Variants in HTR1E observed in about 807,000 individuals in gnomAD.
HTR1E encodes 5-HT-1E.
Under a neutral mutation model 3.4 loss-of-function variants are expected in HTR1E, and 3 were observed. That is an observed-to-expected ratio of 0.89 (90% CI 0.41 to 2.31). The LOEUF is 2.31. Ranked by LOEUF, HTR1E falls within the 30% of genes most tolerant of loss-of-function variation. The probability of loss-of-function intolerance (pLI) is 0.05; values close to 1 mark genes in which losing one functional copy is unlikely to be tolerated. For missense variants in HTR1E, 392 were observed against 467.0 expected (o/e 0.84, Z 1.48); for synonymous variants, 170 against 182.8 (o/e 0.93, Z 0.56).
chr6:86,983,994 C>A (rs1044001417), intron 1 of HTR1E, among the ~76,000 whole-genome samples: 3 of 151,872 alleles, frequency 2.0e-5, no homozygotes, highest in Admixed American at 2.0e-4. Context: ...GTGATCAATC[C>A]CCCTGATTAA....
chr6:86,947,337 A>G (rs1054134422), intron 1 of HTR1E, among the ~76,000 whole-genome samples: 1 of 152,188 alleles, frequency 6.6e-6, no homozygotes, highest in Non-Finnish European at 1.5e-5. Context: ...TGGTTATCTC[A>G]AAGAGTTCTT....
intron 1 of HTR1E, among the ~76,000 whole-genome samples, chr6:86,996,544 A>C (rs574482924): frequency 5.6e-4 from 85 of 152,240 alleles, no homozygotes; most frequent in Non-Finnish European, 1.1e-3. Context: ...AAATGTTATC[A>C]AATTATTGGT....
intron 1 of HTR1E, among the ~76,000 whole-genome samples, chr6:86,953,881 T>G (rs560584689): frequency 6.6e-6 from 1 of 152,210 alleles, no homozygotes; most frequent in Non-Finnish European, 1.5e-5. Context: ...ACATCTTACA[T>G]GGCTGGAGAA....
intron 1 of HTR1E, chr6:86,971,056 G>A: frequency 7.8e-6 from 4 of 510,202 alleles, no homozygotes; most frequent in South Asian, 5.8e-5. Flanking sequence ...CTTCAAAGAA[G>A]CAAATAACTT....
In HTR1E at chr6:87,010,552, C is replaced by T. The variant is rs1214675288; in HGVS notation, c.-185-4598C>T. Among the ~76,000 whole-genome samples, 15 of 141,656 alleles carry T rather than the reference C, an allele frequency of 1.1e-4. 1 individual carries two copies. Among genetic ancestry groups the T allele is most frequent in the African/African-American group, 1.9e-4 (7 of 37,712 alleles). The allele number at this position is 141,656 out of a possible 152,430, so 92.9% of individuals were successfully genotyped here. On this transcript the variant is annotated intron_variant, in intron 1 of 1. Coordinates refer to ENST00000305344, the MANE Select transcript of HTR1E (RefSeq NM_000865.3). ...CGCTCCCCACATCTCAGACGATGGG[C>T]GGCCGGGCAGAGACGCTCCTCACTT...
chr6:86,942,652 A>G (rs1286167915), intron 1 of HTR1E, among the ~76,000 whole-genome samples: 1 of 152,262 alleles, frequency 6.6e-6, no homozygotes, highest in Non-Finnish European at 1.5e-5. Flanking sequence ...ATTAGCAAAT[A>G]CATCATTTAC....
At chr6:86,956,775 C>A (rs16878041) in intron 1 of HTR1E, among the ~76,000 whole-genome samples, 32,872 of 152,032 alleles carry the variant, frequency 0.22, 4,122 homozygotes, top group African/African-American at 0.34. Context: ...CAGAGCTGGG[C>A]TACTACTTGC....
chr6:87,007,430 C>T (rs953898358), intron 1 of HTR1E, among the ~76,000 whole-genome samples: 1 of 152,022 alleles, frequency 6.6e-6, no homozygotes, highest in Non-Finnish European at 1.5e-5. Context: ...AACAGGGTGA[C>T]TATAGTCAAC....
intron 1 of HTR1E, among the ~76,000 whole-genome samples, chr6:86,964,461 C>G (rs1767447179): frequency 6.6e-6 from 1 of 152,160 alleles, no homozygotes. Context: ...GTGTGAGACA[C>G]AAGGAAAATG....
rs1406287585 is a variant in HTR1E, at chr6:87,010,036, C to T, written c.-185-5114C>T. On this transcript the variant is annotated intron_variant, in intron 1 of 1. Coordinates refer to ENST00000305344, the MANE Select transcript of HTR1E (RefSeq NM_000865.3). The stretch of plus-strand genomic sequence containing the variant: ...CTGACCCCCCCACCTCCCTCCCGGA[C>T]GGGGTGGCTGGCCAGGCGGGGGGCT... Among the ~76,000 whole-genome samples, 55 of 127,996 alleles carry T rather than the reference C, an allele frequency of 4.3e-4. 1 individual carries two copies. Among genetic ancestry groups the T allele is most frequent in the African/African-American group, 1.4e-3 (46 of 31,960 alleles). 84.0% of individuals were successfully genotyped at this position (127,996 alleles called of 152,430 possible).
At chr6:86,999,852 C>A (rs1004512624) in intron 1 of HTR1E, among the ~76,000 whole-genome samples, 41 of 152,204 alleles carry the variant, frequency 2.7e-4, no homozygotes, top group African/African-American at 9.2e-4. Context: ...CATGACCCTG[C>A]ATGATACTGG....
Position 87,015,871 on chromosome 6 carries a change from T to C in HTR1E, c.537T>C (p.His179=), listed in dbSNP as rs1462311290. ...PPSQCTIQHD[H]VIYTIYSTLG... ...GTCAGTGCACCATCCAGCACGACCA[T>C]GTTATCTACACCATTTACTCCACGC... Residue 179 remains histidine, a synonymous_variant, in exon 2 of 2, where the codon CAT becomes CAC. Coordinates refer to ENST00000305344, the MANE Select transcript of HTR1E (RefSeq NM_000865.3). 1 of 1,612,970 alleles carries C rather than the reference T, an allele frequency of 6.2e-7. No individual in the cohort carries two copies. The highest frequency in any genetic ancestry group is 1.1e-5 in the South Asian group (1 of 90,926).
At chr6:86,940,046 C>T (rs1190096805) in intron 1 of HTR1E, among the ~76,000 whole-genome samples, 1 of 152,098 alleles carries the variant, frequency 6.6e-6, no homozygotes, top group Non-Finnish European at 1.5e-5. Flanking sequence ...GAGACAAAAT[C>T]CAGGACACAC....
At chr6:86,985,091 G>A (rs576326289) in intron 1 of HTR1E, among the ~76,000 whole-genome samples, 16 of 152,160 alleles carry the variant, frequency 1.1e-4, no homozygotes, top group African/African-American at 3.1e-4. Flanking sequence ...ATGTATTCAC[G>A]CTGTCATTCA....
At chr6:86,940,451 G>A (rs1408448) in intron 1 of HTR1E, among the ~76,000 whole-genome samples, 11 of 152,146 alleles carry the variant, frequency 7.2e-5, no homozygotes, top group Non-Finnish European at 1.3e-4. Context: ...TGAGAGGATC[G>A]CTTGAGCCCA....
intron 1 of HTR1E, among the ~76,000 whole-genome samples, chr6:86,961,622 C>A (rs953805015): frequency 6.6e-6 from 1 of 152,200 alleles, no homozygotes; most frequent in Non-Finnish European, 1.5e-5. Flanking sequence ...GAGGTGTCTC[C>A]ATGGCTGTTA....
intron 1 of HTR1E, among the ~76,000 whole-genome samples, chr6:86,953,554 A>C (rs1179264040): frequency 2.0e-5 from 3 of 152,204 alleles, no homozygotes; most frequent in Admixed American, 6.5e-5. Flanking sequence ...ATGCTACACT[A>C]GGCATCTTCA....
At chr6:86,990,107 A>G (rs999987879) in intron 1 of HTR1E, among the ~76,000 whole-genome samples, 2 of 152,192 alleles carry the variant, frequency 1.3e-5, no homozygotes, top group African/African-American at 2.4e-5. Context: ...TTGCACTACA[A>G]AAGATTCAAA....
intron 1 of HTR1E, among the ~76,000 whole-genome samples, chr6:86,952,485 A>T (rs905685249): frequency 1.4e-5 from 2 of 146,992 alleles, no homozygotes; most frequent in Admixed American, 1.3e-4. Context: ...TGGCTTACAC[A>T]TACACACACA....
Sources: allele counts gnomAD v4.1 joint callset (sites outside exome capture counted in the v4.1 genomes callset), GRCh38; gene constraint gnomAD v4.1.1; transcripts MANE v1.5; gene names NCBI Gene and HGNC (gene_info 2026-07-23, HGNC 2026-07-21).